The following ATP8A2 variants were observed in gnomAD, a reference collection of about 807,000 sequenced individuals.
ATP8A2 encodes the protein ATPase phospholipid transporting 8A2, also known as phospholipid-transporting ATPase IB.
Under a neutral mutation model 165.6 loss-of-function variants are expected in ATP8A2, and 100 were observed. The observed-to-expected ratio is 0.60, with a 90% CI of 0.51 to 0.71. ATP8A2 has a LOEUF of 0.71. ATP8A2 is among the 30% of genes least tolerant of loss of function. ATP8A2 has a pLI of 0.00. For synonymous variants in ATP8A2, 543 were observed against 548.8 expected (o/e 0.99, Z 0.15); for missense variants, 1,227 against 1,479.5 (o/e 0.83, Z 2.80).
intron 24 of ATP8A2, among the ~76,000 whole-genome samples, chr13:25,661,380 G>A (rs544535156): frequency 2.0e-5 from 3 of 152,160 alleles, no homozygotes; most frequent in Admixed American, 6.5e-5. Context: ...TATTGATTCC[G>A]CTGATATTCA....
intron 33 of ATP8A2, among the ~76,000 whole-genome samples, chr13:25,915,445 A>G (rs1203076368): frequency 2.6e-5 from 4 of 152,218 alleles, no homozygotes; most frequent in Non-Finnish European, 5.9e-5. Context: ...AGAAGCAATA[A>G]ATATACCAAA....
intron 17 of ATP8A2, among the ~76,000 whole-genome samples, chr13:25,571,358 T>G (rs927335633): frequency 6.6e-6 from 1 of 152,182 alleles, no homozygotes; most frequent in South Asian, 2.1e-4. Context: ...CAAGCGAGAA[T>G]AGCAGGAATA....
chr13:25,751,937 C>T (rs1304788349), intron 25 of ATP8A2, among the ~76,000 whole-genome samples: 1 of 149,962 alleles, frequency 6.7e-6, no homozygotes, highest in Non-Finnish European at 1.5e-5. Context: ...AAATTGGATG[C>T]TACTGTTACG....
chr13:25,575,592 G>A (rs2039594152), intron 19 of ATP8A2, among the ~76,000 whole-genome samples: 1 of 152,138 alleles, frequency 6.6e-6, no homozygotes, highest in Admixed American at 6.5e-5. Flanking sequence ...AGCTCTGTCT[G>A]CTTTATAAAC....
At chr13:25,423,395 A>T (rs2034354303) in intron 1 of ATP8A2, among the ~76,000 whole-genome samples, 1 of 152,146 alleles carries the variant, frequency 6.6e-6, no homozygotes. Flanking sequence ...AACTTTTAGG[A>T]TGTCTGGCTT....
At chr13:25,813,023 A>G (rs1337861491) in intron 27 of ATP8A2, among the ~76,000 whole-genome samples, 6 of 152,068 alleles carry the variant, frequency 3.9e-5, no homozygotes, top group Admixed American at 2.0e-4. Flanking sequence ...GTGTGAACAC[A>G]TAGACACAGG....
At chr13:25,635,723 G>T (rs2041352137) in intron 24 of ATP8A2, among the ~76,000 whole-genome samples, 1 of 152,178 alleles carries the variant, frequency 6.6e-6, no homozygotes, top group Admixed American at 6.5e-5. Flanking sequence ...GATTTCCTCT[G>T]TGCAAAAATT....
intron 30 of ATP8A2, among the ~76,000 whole-genome samples, chr13:25,851,314 G>A (rs1438401225): frequency 1.3e-5 from 2 of 152,176 alleles, no homozygotes; most frequent in East Asian, 3.9e-4. Flanking sequence ...GGATGCCGTG[G>A]CTCACGCCTG....
At chr13:25,652,527 A>G (rs2041837180) in intron 24 of ATP8A2, among the ~76,000 whole-genome samples, 1 of 152,158 alleles carries the variant, frequency 6.6e-6, no homozygotes, top group Non-Finnish European at 1.5e-5. Flanking sequence ...TTCTCCTCAA[A>G]AAATTTAGGA....
At chr13:25,637,092 CAAAAAAAAAAAAAAAAAA>C (rs56069703) in intron 24 of ATP8A2, among the ~76,000 whole-genome samples, 2 of 67,664 alleles carry the variant, frequency 3.0e-5, no homozygotes, top group Non-Finnish European at 5.4e-5. Context: ...GACCCTGTCT[CAAAAAAAAAAAAAAAAAA>C]AAAAAAAAAA....
intron 33 of ATP8A2, among the ~76,000 whole-genome samples, chr13:25,874,177 A>G (rs1952760081): frequency 6.6e-6 from 1 of 152,094 alleles, no homozygotes; most frequent in Admixed American, 6.5e-5. Flanking sequence ...CTGGCCCCTG[A>G]GGCCCTGCGA....
chr13:25,717,965 C>A (rs1225929906), intron 25 of ATP8A2, among the ~76,000 whole-genome samples: 1 of 152,138 alleles, frequency 6.6e-6, no homozygotes, highest in East Asian at 1.9e-4. Context: ...GCTTTAAAGT[C>A]CAGGCTTATA....
intron 6 of ATP8A2, 94 bp from the exon 7 acceptor site, chr13:25,537,894 T>C: frequency 1.3e-6 from 1 of 768,754 alleles, no homozygotes; most frequent in South Asian, 2.3e-5. Flanking sequence ...AGTTATATAA[T>C]AATTTTTTCT....
chr13:25,572,874 G>T (rs967415775), intron 18 of ATP8A2, among the ~76,000 whole-genome samples: 6 of 152,266 alleles, frequency 3.9e-5, no homozygotes, highest in South Asian at 2.1e-4. Flanking sequence ...CCTGACTTGG[G>T]AGTACTGTAG....
chr13:25,744,925 T>TTTTTCTTTTCTTTTCTTTTCTTTTC lies in ATP8A2; in HGVS notation c.2385-24116_2385-24092dup, dbSNP rs376668495. On this transcript the variant is annotated intron_variant, in intron 25 of 36. Coordinates refer to ENST00000381655, the MANE Select transcript of ATP8A2 (RefSeq NM_016529.6). Reference sequence around the variant, plus strand: ...GGGGAGCACTAGAGCAGGGGCCCAGTTTTTCTTTTCTTTTCTTTTCTTTTC... The same window carrying TTTTTCTTTTCTTTTCTTTTCTTTTC: ...GGGGAGCACTAGAGCAGGGGCCCAGTTTTTCTTTTCTTTTCTTTTCTTTTCTTTTCTTTTCTTTTCTTTTCTTTTC... 2.5e-3 allele frequency among the ~76,000 whole-genome samples: 384 copies of TTTTTCTTTTCTTTTCTTTTCTTTTC among 151,648 alleles called. 1 individual carries two copies. The highest frequency in any genetic ancestry group is 9.0e-3 in the African/African-American group (371 of 41,260).
chr13:25,473,665 C>T (rs1021860668), intron 2 of ATP8A2, among the ~76,000 whole-genome samples: 3 of 152,114 alleles, frequency 2.0e-5, no homozygotes, highest in African/African-American at 7.2e-5. Flanking sequence ...CTCTAGCTAT[C>T]ATCTCCCATC....
At chr13:25,894,130 T>A (rs1953463070) in intron 33 of ATP8A2, among the ~76,000 whole-genome samples, 1 of 152,192 alleles carries the variant, frequency 6.6e-6, no homozygotes, top group Admixed American at 6.5e-5. Context: ...CCGAATGGTA[T>A]TGCCTAGGTT....
chr13:25,699,406 C>A, intron 25 of ATP8A2, 61 bp downstream of exon 25: 3 of 1,243,358 alleles, frequency 2.4e-6, no homozygotes, highest in Non-Finnish European at 2.1e-6. Flanking sequence ...CGTGCTTATA[C>A]AAAAGAAAGG....
chr13:25,649,887 C>T (rs4132589), intron 24 of ATP8A2, among the ~76,000 whole-genome samples: 56,200 of 151,818 alleles, frequency 0.37, 11,264 homozygotes, highest in Middle Eastern at 0.48. Context: ...AATCAGGTAC[C>T]TTTGCTGCCA....
Sources: allele counts gnomAD v4.1 joint callset (sites outside exome capture counted in the v4.1 genomes callset), GRCh38; gene constraint gnomAD v4.1.1; transcripts MANE v1.5; gene names NCBI Gene and HGNC (gene_info 2026-07-23, HGNC 2026-07-21).